Variants in CTR9 observed in about 807,000 individuals in gnomAD.
CTR9 encodes the protein CTR9 component of Paf1/RNA polymerase II complex.
In CTR9, 41 loss-of-function variants were observed where a neutral mutation model predicts 152.1. That is an observed-to-expected ratio of 0.27 (90% CI 0.21 to 0.35). The LOEUF is 0.35. CTR9 is among the 10% of genes least tolerant of loss of function. The pLI, the probability that CTR9 is intolerant of heterozygous loss-of-function variation, is 1.00. For synonymous variants in CTR9, 476 were observed against 496.2 expected (o/e 0.96, Z 0.54); for missense variants, 917 against 1,424.4 (o/e 0.64, Z 5.73).
intron 22 of CTR9, 52 bp downstream of exon 22, chr11:10,774,221 C>T: frequency 2.0e-6 from 3 of 1,532,450 alleles, no homozygotes; most frequent in East Asian, 4.6e-5. Context: ...TGGTGAAAGA[C>T]CTTTTACCTT....
chr11:10,754,980 A>G lies in CTR9; in HGVS notation c.167A>G (p.Lys56Arg). Reference protein sequence around the residue: ...ALALEYYKQGKTEEFVKLLEA... With the variant: ...ALALEYYKQGRTEEFVKLLEA... ...TAGCTGGAATACTACAAGCAAGGAAAAACAGAAGAGTTTGTAAAATTGTTG... is the reference window on the plus strand; with the variant it reads ...TAGCTGGAATACTACAAGCAAGGAAGAACAGAAGAGTTTGTAAAATTGTTG... Residue 56 changes from lysine to arginine, a missense_variant, in exon 3 of 25, where the codon AAA becomes AGA. This residue lies in a region of CTR9 where 67 missense variants were observed against 106.9 expected (regional missense o/e 0.63). Coordinates refer to ENST00000361367, the MANE Select transcript of CTR9 (RefSeq NM_014633.5). The G allele has an allele frequency of 6.2e-7, 1 of 1,613,968 alleles. No homozygotes were observed. The highest frequency in any genetic ancestry group is 8.5e-7 in the Non-Finnish European group (1 of 1,179,938).
intron 13 of CTR9, among the ~76,000 whole-genome samples, 159 bp downstream of exon 13, chr11:10,766,649 T>C (rs1378478189): frequency 6.6e-6 from 1 of 152,244 alleles, no homozygotes; most frequent in Non-Finnish European, 1.5e-5. Context: ...TAGGTTGCAT[T>C]ATTAATCATG....
chr11:10,767,965 C>T lies in CTR9; in HGVS notation c.1846C>T (p.His616Tyr), dbSNP rs1863085036. ...ALGNVWLQTL[H>Y]QPTRDREKEK... ...TGGCAACGTGTGGCTCCAAACTTTA[C>T]ATCAGCCCACCCGAGATCGAGAAAA... Residue 616 changes from histidine to tyrosine, a missense_variant, in exon 14 of 25, where the codon CAT becomes TAT. Transcript: ENST00000361367. The surrounding 1 kb of genome is among the most constrained non-coding windows in gnomAD (Gnocchi z 4.0). 3 of 1,614,128 alleles carry T rather than the reference C, an allele frequency of 1.9e-6. No individual in the cohort carries two copies. The highest frequency in any genetic ancestry group is 2.5e-6 in the Non-Finnish European group (3 of 1,179,972).
chr11:10,768,479 C>T lies in CTR9; in HGVS notation c.2097C>T (p.Ser699=), dbSNP rs140813178. The change falls in exon 16 of 25, where the codon AGC becomes AGT. Residue 699 remains serine, a synonymous_variant. Transcript: ENST00000361367. Reference sequence around the variant, plus strand: ...ATGTGGAGCAAAAGCAGTACATCAGCGCCGTTCAGATGGTAATAGCTTCTC... The same window carrying T: ...ATGTGGAGCAAAAGCAGTACATCAGTGCCGTTCAGATGGTAATAGCTTCTC... The part of the protein sequence containing the change: ...HIYVEQKQYI[S]AVQMYENCLR... 1,875 of 1,603,406 alleles carry T rather than the reference C, an allele frequency of 1.2e-3. No individual in the cohort carries two copies. The highest frequency in any genetic ancestry group is 1.5e-3 in the Non-Finnish European group (1,781 of 1,176,780).
chr11:10,768,595 G>C lies in CTR9; in HGVS notation c.2109+104G>C. ...CATGGAGCTGCATGCTATCTCTTGT[G>C]ATACTGTGTCTATTTAGAGATTTAT... On this transcript the variant is annotated intron_variant, in intron 16 of 24. Transcript: ENST00000361367. The C allele has an allele frequency of 5.2e-6, 6 of 1,145,358 alleles. No individual in the cohort carries two copies. In the South Asian group the frequency reaches 8.7e-5, roughly 17 times the overall value. 70.9% of individuals were successfully genotyped at this position (1,145,358 alleles called of 1,614,324 possible). A position where few individuals can be genotyped will look rare whatever the true frequency, so the allele number is the denominator to read the frequency against.
intron 13 of CTR9, 145 bp downstream of exon 13, chr11:10,766,635 G>A: frequency 1.7e-6 from 1 of 587,490 alleles, no homozygotes; most frequent in Non-Finnish European, 2.9e-6. Context: ...TACTAAAAAT[G>A]TACTAGGTTG....
chr11:10,775,170 C>A, intron 22 of CTR9, 37 bp from the exon 23 acceptor site: 1 of 1,526,166 alleles, frequency 6.6e-7, no homozygotes, highest in Middle Eastern at 1.7e-4. Flanking sequence ...TATAGGTAGG[C>A]TCTTGACAAA....
At position 10,770,201 on chromosome 11, in the gene CTR9, T is replaced by G; in HGVS notation, c.2110-9T>G. 1 of 1,574,376 alleles carries G rather than the reference T, an allele frequency of 6.4e-7. No individual in the cohort carries two copies. The highest frequency in any genetic ancestry group is 8.6e-7 in the Non-Finnish European group (1 of 1,158,956). On this transcript the variant is annotated splice_polypyrimidine_tract_variant and intron_variant, in intron 16 of 24. Transcript: ENST00000361367. ...TTGTGTTTTAATTAACTTTTTTCTTTTACTGTAGTATGAAAACTGCCTCCG... is the reference window on the plus strand; with the variant it reads ...TTGTGTTTTAATTAACTTTTTTCTTGTACTGTAGTATGAAAACTGCCTCCG...
In CTR9 at chr11:10,775,553, G is replaced by A; in HGVS notation, c.3015G>A (p.Lys1005=). 6.2e-7 allele frequency: 1 copy of A among 1,613,622 alleles called. No individual in the cohort carries two copies. The highest frequency in any genetic ancestry group is 8.5e-7 in the Non-Finnish European group (1 of 1,179,744). ...CAGAACGTCTGCCTCCATCAATGAA[G>A]GGAAAAATAAAATCCAAAGCCATAA... ...PKPERLPPSM[K]GKIKSKAIIS... The change falls in exon 24 of 25, where the codon AAG becomes AAA. Residue 1005 remains lysine, a synonymous_variant. Transcript: ENST00000361367.
chr11:10,763,183 G>A (rs1258323012), intron 7 of CTR9, among the ~76,000 whole-genome samples: 2 of 145,270 alleles, frequency 1.4e-5, no homozygotes, highest in Non-Finnish European at 3.1e-5. Context: ...AGAGAGTAAA[G>A]CACTGTGGTT....
At chr11:10,775,391 T>C (rs1863216229) in intron 23 of CTR9, 88 bp downstream of exon 23, 1 of 1,417,272 alleles carries the variant, frequency 7.1e-7, no homozygotes. Flanking sequence ...TGCAGCTTTC[T>C]CAAGCACAAA....
intron 22 of CTR9, 86 bp from the exon 23 acceptor site, chr11:10,775,121 G>A (rs1863210671): frequency 9.5e-7 from 1 of 1,053,958 alleles, no homozygotes; most frequent in Non-Finnish European, 1.4e-6. Flanking sequence ...AGAGGATTCA[G>A]AATGAATAAT....
At chr11:10,775,397 A>C in intron 23 of CTR9, 94 bp downstream of exon 23, 1 of 1,412,932 alleles carries the variant, frequency 7.1e-7, no homozygotes, top group Non-Finnish European at 9.8e-7. Flanking sequence ...TTTCTCAAGC[A>C]CAAATGCTTG....
rs762845868 is a variant in CTR9 at position 10,763,693 on chromosome 11, C to T, written c.1008C>T (p.Ala336=). The change falls in exon 9 of 25, where the codon GCC becomes GCT. Residue 336 remains alanine (A), a synonymous_variant. Transcript: ENST00000361367. ...FQYYYQATQF[A]SSSFVLPFFG... ...ACTATTATCAAGCCACACAGTTTGC[C>T]TCATCCTCTTTTGTGCTCCCATTTT... is the stretch of plus-strand genomic sequence containing the variant. 8.7e-6 allele frequency: 14 copies of T among 1,613,932 alleles called. No individual in the cohort carries two copies. Among genetic ancestry groups the T allele is most frequent in the Non-Finnish European group, 1.1e-5 (13 of 1,179,992 alleles).
At position 10,755,018 on chromosome 11, in the gene CTR9, A is replaced by G; in HGVS notation, c.205A>G (p.Ile69Val). The change falls in exon 3 of 25, where the codon ATA becomes GTA. Residue 69 changes from isoleucine (I) to valine (V), a missense_variant. Ile to Val is a conservative substitution (Grantham distance 29). Coordinates refer to ENST00000361367, the MANE Select transcript of CTR9 (RefSeq NM_014633.5). ...TGTAAAATTGTTGGAAGCAGCACGT[A>G]TAGATGGCAATTTGGACTATAGAGA... ...EFVKLLEAAR[I>V]DGNLDYRDHE... The G allele has an allele frequency of 6.2e-7, 1 of 1,614,146 alleles. No homozygotes were observed. Among genetic ancestry groups the G allele is most frequent in the African/African-American group, 1.3e-5 (1 of 75,076 alleles).
intron 24 of CTR9, among the ~76,000 whole-genome samples, chr11:10,777,964 G>C (rs1355322352): frequency 6.6e-6 from 1 of 152,202 alleles, no homozygotes; most frequent in Non-Finnish European, 1.5e-5. Context: ...GAGCCTCCAG[G>C]AAGCCAAGAC....
chr11:10,763,971 T>A (rs1863018648), intron 9 of CTR9, 92 bp downstream of exon 9: 1 of 1,329,812 alleles, frequency 7.5e-7, no homozygotes. Context: ...AGAAATATGA[T>A]AGAAACAGTT....
At chr11:10,765,492 T>C (rs1026690487) in intron 12 of CTR9, among the ~76,000 whole-genome samples, 9 of 152,140 alleles carry the variant, frequency 5.9e-5, no homozygotes, top group Non-Finnish European at 1.0e-4. Context: ...GATGGAGTCT[T>C]GCTCTGTCAC....
intron 6 of CTR9, among the ~76,000 whole-genome samples, chr11:10,761,071 A>G (rs114909335): frequency 0.013 from 1,988 of 152,292 alleles, 38 homozygotes; most frequent in African/African-American, 0.043. Context: ...CCTCAGTACT[A>G]TTGATGTTTT....
Sources: allele counts gnomAD v4.1 joint callset (sites outside exome capture counted in the v4.1 genomes callset), GRCh38; gene constraint gnomAD v4.1.1; regional missense constraint gnomAD v4.1.1; non-coding constraint Gnocchi (gnomAD v3.1); transcripts MANE v1.5; gene names NCBI Gene and HGNC (gene_info 2026-07-23, HGNC 2026-07-21).